Variants in MAP1LC3B2 observed in about 807,000 individuals in gnomAD.
MAP1LC3B2 encodes the protein microtubule associated protein 1 light chain 3 beta 2, also known as microtubule-associated protein 1 light chain 3 beta 2.
For missense variants in MAP1LC3B2, 155 were observed against 154.6 expected, an observed-to-expected ratio of 1.00 and a Z score of -0.01; for synonymous variants, 62 against 57.8, an observed-to-expected ratio of 1.07 and a Z score of -0.33.
At position 116,573,001 on chromosome 12, in the gene MAP1LC3B2, C is replaced by T. The variant is rs150605528; in HGVS notation, c.-101-2841C>T. On this transcript the variant is annotated intron_variant, in intron 1 of 1. Transcript: ENST00000556529. ...GGCCAGTGGCACGATCTTGGCTCACCGCAACCTCTGCCTCCTGGGTTCAAG... is the reference window on the plus strand; with the variant it reads ...GGCCAGTGGCACGATCTTGGCTCACTGCAACCTCTGCCTCCTGGGTTCAAG... Among the ~76,000 whole-genome samples the T allele has an allele frequency of 2.8e-3, 427 of 152,104 alleles. 2 individuals carry two copies. Among genetic ancestry groups the T allele is most frequent in the Non-Finnish European group, 4.8e-3 (329 of 67,986 alleles).
chr12:116,571,329 C>T (rs1869524345), intron 1 of MAP1LC3B2, among the ~76,000 whole-genome samples: 2 of 152,108 alleles, frequency 1.3e-5, no homozygotes, highest in South Asian at 4.1e-4. Flanking sequence ...CAGCATTTGC[C>T]AGGTTTCTCT....
intron 1 of MAP1LC3B2, among the ~76,000 whole-genome samples, chr12:116,566,629 A>C (rs868103125): frequency 1.4e-5 from 2 of 143,880 alleles, no homozygotes; most frequent in Middle Eastern, 3.5e-3. Flanking sequence ...AAAAAAAAAA[A>C]AAAAAAAAAA....
intron 1 of MAP1LC3B2, among the ~76,000 whole-genome samples, chr12:116,572,370 T>G (rs1377536304): frequency 2.0e-4 from 2 of 9,970 alleles, no homozygotes; most frequent in Non-Finnish European, 4.0e-4. Flanking sequence ...GCCTCAGTTC[T>G]TTTTTTTTTT....
intron 1 of MAP1LC3B2, among the ~76,000 whole-genome samples, chr12:116,567,448 C>CT (rs35722581): frequency 0.14 from 18,173 of 127,750 alleles, 1,417 homozygotes; most frequent in South Asian, 0.3. Flanking sequence ...CTTTGCAAAT[C>CT]TTTTTTTTTT....
At chr12:116,573,188 C>T (rs1426068618) in intron 1 of MAP1LC3B2, among the ~76,000 whole-genome samples, 1 of 152,182 alleles carries the variant, frequency 6.6e-6, no homozygotes, top group African/African-American at 2.4e-5. Context: ...CCTCTTAAAG[C>T]ACTGGCATTA....
At chr12:116,563,386 G>A (rs1262655040) in intron 1 of MAP1LC3B2, among the ~76,000 whole-genome samples, 2 of 152,156 alleles carry the variant, frequency 1.3e-5, no homozygotes, top group Non-Finnish European at 2.9e-5. Context: ...ACTTTTGGTT[G>A]ACAGTTTTGT....
intron 1 of MAP1LC3B2, among the ~76,000 whole-genome samples, chr12:116,566,385 G>A (rs2136960466): frequency 6.6e-6 from 1 of 152,200 alleles, no homozygotes; most frequent in African/African-American, 2.4e-5. Context: ...ATTGACAAAT[G>A]CACCAGCAGG....
chr12:116,563,478 A>C (rs1043378263), intron 1 of MAP1LC3B2, among the ~76,000 whole-genome samples: 1 of 152,112 alleles, frequency 6.6e-6, no homozygotes, highest in Non-Finnish European at 1.5e-5. Flanking sequence ...AATCAGTGAT[A>C]ATTCTTATCT....
chr12:116,569,617 A>G (rs986716376), intron 1 of MAP1LC3B2, among the ~76,000 whole-genome samples: 9 of 152,328 alleles, frequency 5.9e-5, no homozygotes, highest in African/African-American at 2.2e-4. Flanking sequence ...GCACGTAGGT[A>G]TGTGTTTATT....
chr12:116,569,788 G>T (rs1372806285), intron 1 of MAP1LC3B2, among the ~76,000 whole-genome samples: 2 of 152,178 alleles, frequency 1.3e-5, no homozygotes, highest in African/African-American at 4.8e-5. Flanking sequence ...AGGCATGGTG[G>T]CTCGCTCCTG....
chr12:116,566,499 C>T (rs1398552655), intron 1 of MAP1LC3B2, among the ~76,000 whole-genome samples: 1 of 149,044 alleles, frequency 6.7e-6, no homozygotes, highest in Non-Finnish European at 1.5e-5. Context: ...GTAACCTCTA[C>T]AAAACAAAAC....
chr12:116,571,458 C>CTTT lies in MAP1LC3B2; in HGVS notation c.-101-4346_-101-4344dup, dbSNP rs71095564. Among the ~76,000 whole-genome samples, 62 of 48,110 alleles carry CTTT rather than the reference C, an allele frequency of 1.3e-3. 12 individuals carry two copies. The highest frequency in any genetic ancestry group is 6.2e-3 in the East Asian group (5 of 808). The allele number at this position is 48,110 out of a possible 152,430, so 31.6% of individuals were successfully genotyped here. A position where few individuals can be genotyped will look rare whatever the true frequency, so the allele number is the denominator to read the frequency against. ...TAGATGGGAGTAAGGGACTGCTGTT[C>CTTT]TTTTTTTTTTTTTTTTTTTTTTTTT... On this transcript the variant is annotated intron_variant, in intron 1 of 1. Coordinates refer to ENST00000556529, the MANE Select transcript of MAP1LC3B2 (RefSeq NM_001085481.3).
intron 1 of MAP1LC3B2, among the ~76,000 whole-genome samples, chr12:116,573,630 C>T (rs7974122): frequency 0.4 from 60,282 of 151,786 alleles, 13,494 homozygotes; most frequent in Non-Finnish European, 0.51. Context: ...AATTCTCCTG[C>T]CCCAGCCTCC....
intron 1 of MAP1LC3B2, among the ~76,000 whole-genome samples, chr12:116,572,174 C>A (rs1402023257): frequency 2.6e-5 from 4 of 152,188 alleles, no homozygotes; most frequent in Non-Finnish European, 4.4e-5. Context: ...ATCAGAAAAC[C>A]AAAGAGTTGT....
chr12:116,575,039 G>A (rs1869635107), intron 1 of MAP1LC3B2, among the ~76,000 whole-genome samples: 1 of 151,900 alleles, frequency 6.6e-6, no homozygotes, highest in African/African-American at 2.4e-5. Flanking sequence ...AATTATCCGG[G>A]CTTGGTGGTG....
chr12:116,564,941 C>T (rs1467442414), intron 1 of MAP1LC3B2, among the ~76,000 whole-genome samples: 1 of 152,188 alleles, frequency 6.6e-6, no homozygotes, highest in African/African-American at 2.4e-5. Flanking sequence ...TAGTTCTACA[C>T]TACCTGTGGC....
At chr12:116,575,121 G>A (rs962617465) in intron 1 of MAP1LC3B2, among the ~76,000 whole-genome samples, 5 of 151,088 alleles carry the variant, frequency 3.3e-5, no homozygotes, top group South Asian at 2.1e-4. Context: ...CGGAGGTTGC[G>A]GTGAGCCAAG....
At chr12:116,564,886 T>A (rs1424523519) in intron 1 of MAP1LC3B2, among the ~76,000 whole-genome samples, 2 of 152,218 alleles carry the variant, frequency 1.3e-5, no homozygotes, top group South Asian at 4.1e-4. Context: ...AAAGCCAGGG[T>A]GATCACTGGG....
chr12:116,570,974 C>T (rs550677342), intron 1 of MAP1LC3B2, among the ~76,000 whole-genome samples: 12 of 152,116 alleles, frequency 7.9e-5, no homozygotes, highest in Non-Finnish European at 1.6e-4. Context: ...ATTGCAACTT[C>T]CTTGTGATAA....
Sources: gnomAD v4.1 joint callset for allele counts (sites outside exome capture counted in the v4.1 genomes callset) on GRCh38, gnomAD v4.1.1 for gene constraint, MANE v1.5 for transcripts, NCBI Gene and HGNC (gene_info 2026-07-23, HGNC 2026-07-21) for gene names.